The following TAS2R1 variants were observed in gnomAD, a reference collection of about 807,000 sequenced individuals.
TAS2R1 encodes the protein taste 2 receptor member 1.
For synonymous variants in TAS2R1, 141 were observed against 134.2 expected (o/e 1.05, Z -0.35); for missense variants, 370 against 353.4 (o/e 1.05, Z -0.38).
the TAS2R1 span, among the ~76,000 whole-genome samples, chr5:9,788,073 G>T: frequency 6.6e-6 from 1 of 152,186 alleles, no homozygotes; most frequent in African/African-American, 2.4e-5. Context: ...ATCATGGGGT[G>T]TTCAGCATTC....
the TAS2R1 span, among the ~76,000 whole-genome samples, chr5:9,818,569 G>A: frequency 7.1e-3 from 1,085 of 152,320 alleles, 5 homozygotes; most frequent in Non-Finnish European, 0.011. Flanking sequence ...AGGGTGATGG[G>A]TGACTGGGCA....
intron 1 of TAS2R1, among the ~76,000 whole-genome samples, chr5:9,676,498 C>T (rs771877938): frequency 3.3e-5 from 5 of 151,990 alleles, no homozygotes; most frequent in Admixed American, 1.3e-4. Flanking sequence ...TTTAATTCAA[C>T]GAAGAAAGGA....
At chr5:9,803,402 A>T in the TAS2R1 span, among the ~76,000 whole-genome samples, 2 of 152,204 alleles carry the variant, frequency 1.3e-5, no homozygotes, top group Non-Finnish European at 2.9e-5. Context: ...CACCTGGGAA[A>T]TTCATCACAA....
chr5:9,662,354 T>C (rs554149806), intron 1 of TAS2R1, among the ~76,000 whole-genome samples: 27 of 152,326 alleles, frequency 1.8e-4, no homozygotes, highest in African/African-American at 6.0e-4. Flanking sequence ...CTGCTGCCCA[T>C]TACTGCTCAT....
the TAS2R1 span, among the ~76,000 whole-genome samples, chr5:9,725,880 G>A: frequency 1.4e-5 from 2 of 147,190 alleles, no homozygotes; most frequent in South Asian, 4.2e-4. Flanking sequence ...CTCAGGGTTT[G>A]TGAATGCACC....
the TAS2R1 span, among the ~76,000 whole-genome samples, chr5:9,877,293 G>A: frequency 0.019 from 2,916 of 152,242 alleles, 78 homozygotes; most frequent in African/African-American, 0.064. Flanking sequence ...ATAACCCACC[G>A]TCTTCTTCCT....
chr5:9,853,256 G>C, the TAS2R1 span, among the ~76,000 whole-genome samples: 37 of 152,302 alleles, frequency 2.4e-4, no homozygotes, highest in Non-Finnish European at 4.4e-4. Context: ...TATTGAGATG[G>C]CAGTGTTACA....
the TAS2R1 span, among the ~76,000 whole-genome samples, chr5:9,829,272 C>A: frequency 1.3e-5 from 2 of 152,132 alleles, no homozygotes. Flanking sequence ...CTCACTAGCA[C>A]TTCTTCTTAA....
chr5:9,754,580 A>G, the TAS2R1 span, among the ~76,000 whole-genome samples: 3 of 152,226 alleles, frequency 2.0e-5, no homozygotes, highest in African/African-American at 7.2e-5. Flanking sequence ...AATGTGCAAA[A>G]ATCACAAGCA....
chr5:9,893,395 G>A, the TAS2R1 span, among the ~76,000 whole-genome samples: 2 of 151,948 alleles, frequency 1.3e-5, no homozygotes, highest in Non-Finnish European at 2.9e-5. Context: ...AGTCTGTTCT[G>A]CCTCATTCCA....
chr5:9,751,552 G>A, the TAS2R1 span, among the ~76,000 whole-genome samples: 2 of 152,096 alleles, frequency 1.3e-5, no homozygotes, highest in Admixed American at 6.6e-5. Flanking sequence ...TGTTATAAAT[G>A]ATTCCTTCTG....
At chr5:9,846,963 T>C in the TAS2R1 span, among the ~76,000 whole-genome samples, 6 of 152,346 alleles carry the variant, frequency 3.9e-5, no homozygotes, top group Middle Eastern at 6.8e-3. Flanking sequence ...GCCATCTGCC[T>C]TAGCTGTTCA....
the TAS2R1 span, among the ~76,000 whole-genome samples, chr5:9,754,736 A>G: frequency 6.6e-6 from 1 of 152,212 alleles, no homozygotes; most frequent in African/African-American, 2.4e-5. Context: ...GCTCAATGAA[A>G]TAAAAGAGGA....
intron 2 of TAS2R1, chr5:9,641,497 C>T (rs1446288916): frequency 6.6e-6 from 1 of 152,206 alleles, no homozygotes; most frequent in African/African-American, 2.4e-5. Flanking sequence ...GAGACTCACT[C>T]TTCTTACCCT....
chr5:9,863,650 A>C, the TAS2R1 span, among the ~76,000 whole-genome samples: 1 of 152,200 alleles, frequency 6.6e-6, no homozygotes, highest in Non-Finnish European at 1.5e-5. Context: ...CCTGACTCAC[A>C]TTAGATTGCT....
the TAS2R1 span, among the ~76,000 whole-genome samples, chr5:9,798,249 T>C: frequency 6.6e-6 from 1 of 152,214 alleles, no homozygotes; most frequent in African/African-American, 2.4e-5. Context: ...GGAATGGGGA[T>C]TGATCACAAA....
At chr5:9,774,099 AT>A in the TAS2R1 span, among the ~76,000 whole-genome samples, 1 of 152,166 alleles carries the variant, frequency 6.6e-6, no homozygotes, top group Admixed American at 6.6e-5. Context: ...GGCATGCTGC[AT>A]TCTTTCTTAC....
the TAS2R1 span, among the ~76,000 whole-genome samples, chr5:9,845,150 G>A: frequency 6.6e-6 from 1 of 152,088 alleles, no homozygotes; most frequent in Admixed American, 6.6e-5. Context: ...CATGGGAGTG[G>A]AGCCCTCATG....
chr5:9,794,019 T>C, the TAS2R1 span, among the ~76,000 whole-genome samples: 2 of 152,210 alleles, frequency 1.3e-5, no homozygotes, highest in South Asian at 2.1e-4. Flanking sequence ...ATACTTTGTG[T>C]TGAATTTAGG....
Sources: gnomAD v4.1 joint callset for allele counts (sites outside exome capture counted in the v4.1 genomes callset) on GRCh38, gnomAD v4.1.1 for gene constraint, MANE v1.5 for transcripts, NCBI Gene and HGNC (gene_info 2026-07-23, HGNC 2026-07-21) for gene names.